The following GFPT1 variants were observed in gnomAD, a reference collection of about 807,000 sequenced individuals.
GFPT1 encodes glutamine--fructose-6-phosphate aminotransferase [isomerizing] 1.
Under a neutral mutation model 92.0 loss-of-function variants are expected in GFPT1, and 40 were observed. The observed-to-expected ratio is 0.43, with a 90% CI of 0.34 to 0.57. The LOEUF (loss-of-function observed/expected upper bound fraction) is 0.57, where lower values mean the gene tolerates loss of function less well. Ranked by LOEUF, GFPT1 falls within the 20% of genes least tolerant of loss-of-function variation. The pLI, the probability that GFPT1 is intolerant of heterozygous loss-of-function variation, is 0.02. For missense variants in GFPT1, 448 were observed against 869.1 expected (o/e 0.52, Z 6.09); for synonymous variants, 269 against 280.6 (o/e 0.96, Z 0.41).
intron 9 of GFPT1, among the ~76,000 whole-genome samples, chr2:69,350,569 A>G (rs889811005): frequency 4.6e-5 from 7 of 152,200 alleles, no homozygotes; most frequent in Non-Finnish European, 7.3e-5. Context: ...TTGTGTACCT[A>G]TAATTATAAC....
At chr2:69,368,738 GAA>G (rs70954342) in intron 3 of GFPT1, among the ~76,000 whole-genome samples, 1 of 129,568 alleles carries the variant, frequency 7.7e-6, no homozygotes, top group Non-Finnish European at 1.7e-5. Context: ...GGGAAGGGAA[GAA>G]AAAAAAAAAA....
chr2:69,377,933 T>C (rs774719320), intron 1 of GFPT1, among the ~76,000 whole-genome samples: 5 of 152,262 alleles, frequency 3.3e-5, no homozygotes, highest in Non-Finnish European at 7.3e-5. Flanking sequence ...CTCACAATGA[T>C]GCTTGTTAGA....
chr2:69,330,623 AAAT>A (rs748355956), intron 15 of GFPT1, among the ~76,000 whole-genome samples: 11 of 151,850 alleles, frequency 7.2e-5, no homozygotes, highest in African/African-American at 1.9e-4. Context: ...AAGTAAACAG[AAAT>A]AATATTTAAT....
chr2:69,355,745 T>C (rs1468832834), intron 7 of GFPT1, among the ~76,000 whole-genome samples: 4 of 152,178 alleles, frequency 2.6e-5, no homozygotes, highest in Admixed American at 2.6e-4. Flanking sequence ...ATATCTCTCT[T>C]ACCATAATAT....
Position 69,348,244 on chromosome 2 carries a change from A to G in GFPT1, c.936T>C (p.Ile312=). Residue 312 remains isoleucine (I), a synonymous_variant, in exon 11 of 20, where the codon ATT becomes ATC. Coordinates refer to ENST00000357308, the MANE Select transcript of GFPT1 (RefSeq NM_001244710.2). The part of the protein sequence containing the change: ...VVDGRLSIHR[I]KRTAGDHPGR... ...CGGGGTGATCTCCTGCAGTTCGTTTAATTCGATGGATAGAAAGACGTCCAT... is the reference window on the plus strand; with the variant it reads ...CGGGGTGATCTCCTGCAGTTCGTTTGATTCGATGGATAGAAAGACGTCCAT... The G allele has an allele frequency of 6.2e-7, 1 of 1,613,274 alleles. No individual in the cohort carries two copies. Among genetic ancestry groups the G allele is most frequent in the African/African-American group, 1.3e-5 (1 of 75,044 alleles).
In GFPT1 at chr2:69,354,248, G is replaced by T; in HGVS notation, c.739+11C>A. 6.4e-7 allele frequency: 1 copy of T among 1,563,622 alleles called. No homozygotes were observed. Among genetic ancestry groups the T allele is most frequent in the Non-Finnish European group, 8.7e-7 (1 of 1,152,590 alleles). On this transcript the variant is annotated intron_variant, in intron 9 of 19. Transcript: ENST00000357308. ...AAGATCCTCCCCATCCATGCAGAGT[G>T]CATTTCCCACCTCTTTCTCCCTGTG...
intron 2 of GFPT1, among the ~76,000 whole-genome samples, chr2:69,371,957 T>C (rs1277403566): frequency 1.3e-5 from 2 of 151,334 alleles, no homozygotes; most frequent in African/African-American, 4.8e-5. Context: ...ATCCCAGCAC[T>C]TTGGGAGGCC....
chr2:69,387,171 G>A lies in GFPT1; in HGVS notation c.-100C>T. On this transcript the variant is annotated 5_prime_UTR_variant, in exon 1 of 20. Coordinates refer to ENST00000357308, the MANE Select transcript of GFPT1 (RefSeq NM_001244710.2). ...GGGCAATCTGCGGGCTCGGGGGCCG[G>A]GGTGGCGCCGACACGACTCCCTCGG... The A allele has an allele frequency of 1.5e-6, 2 of 1,341,866 alleles. No homozygotes were observed. Among genetic ancestry groups the A allele is most frequent in the Non-Finnish European group, 1.0e-6 (1 of 1,004,484 alleles). 83.1% of individuals were successfully genotyped at this position (1,341,866 alleles called of 1,614,324 possible).
At chr2:69,343,871 C>T (rs1233406634) in intron 12 of GFPT1, among the ~76,000 whole-genome samples, 1 of 152,042 alleles carries the variant, frequency 6.6e-6, no homozygotes, top group Non-Finnish European at 1.5e-5. Flanking sequence ...GAAAACAAAA[C>T]CAAACAAAAT....
chr2:69,321,080 G>A lies in GFPT1; in HGVS notation c.*5109C>T, dbSNP rs1670393009. 1 of 152,230 alleles carries A rather than the reference G, an allele frequency of 6.6e-6. No individual in the cohort carries two copies. Among genetic ancestry groups the A allele is most frequent in the Non-Finnish European group, 1.5e-5 (1 of 68,042 alleles). 9.4% of individuals were successfully genotyped at this position (152,230 alleles called of 1,614,324 possible). A position where few individuals can be genotyped will look rare whatever the true frequency, so the allele number is the denominator to read the frequency against. ...AACTTTGCTCTATAATTAACAGAGA[G>A]CCAGATATTACAGAAACTTTAGATT... On this transcript the variant is annotated 3_prime_UTR_variant, in exon 20 of 20. Transcript: ENST00000357308.
At chr2:69,363,016 C>T (rs1040704350) in intron 4 of GFPT1, among the ~76,000 whole-genome samples, 50 of 151,932 alleles carry the variant, frequency 3.3e-4, no homozygotes, top group African/African-American at 1.1e-3. Flanking sequence ...GAGGCCGAGA[C>T]GGGAGGATCA....
chr2:69,378,243 T>TGATC (rs1671926934), intron 1 of GFPT1, among the ~76,000 whole-genome samples: 1 of 152,270 alleles, frequency 6.6e-6, no homozygotes, highest in African/African-American at 2.4e-5. Context: ...TGACCTCAGG[T>TGATC]GATCCACTCG....
intron 15 of GFPT1, among the ~76,000 whole-genome samples, chr2:69,337,192 G>A (rs962166827): frequency 1.3e-5 from 2 of 151,228 alleles, no homozygotes; most frequent in Non-Finnish European, 2.9e-5. Context: ...AGCCTCCCGG[G>A]TATGCTGGGA....
intron 1 of GFPT1, among the ~76,000 whole-genome samples, chr2:69,382,878 C>T (rs1361957214): frequency 6.6e-6 from 1 of 152,184 alleles, no homozygotes; most frequent in African/African-American, 2.4e-5. Context: ...ACTCATTCTA[C>T]TTGTGGTCTA....
chr2:69,376,947 C>G (rs1437864032), intron 1 of GFPT1, among the ~76,000 whole-genome samples: 1 of 151,980 alleles, frequency 6.6e-6, no homozygotes, highest in African/African-American at 2.4e-5. Context: ...GGGTGGCTCA[C>G]GCCTGTAATC....
Position 69,386,928 on chromosome 2 carries a change from C to T in GFPT1, c.7+137G>A, listed in dbSNP as rs889033142. The T allele has an allele frequency of 2.9e-5, 22 of 751,556 alleles. No homozygotes were observed. The African/African-American group carries it at 4.0e-4, about 14-fold the overall frequency. The allele number at this position is 751,556 out of a possible 1,614,324, so 46.6% of individuals were successfully genotyped here. A position where few individuals can be genotyped will look rare whatever the true frequency, so the allele number is the denominator to read the frequency against. ...CCGGCCCCCGCCCCCGCAGCCACCA[C>T]TGGGCGCCCCTTGCCCATCACCCAG... On this transcript the variant is annotated intron_variant, in intron 1 of 19. Transcript: ENST00000357308.
At chr2:69,354,759 G>GT (rs920275388) in intron 7 of GFPT1, among the ~76,000 whole-genome samples, 191 bp from the exon 8 acceptor site, 1 of 152,054 alleles carries the variant, frequency 6.6e-6, no homozygotes, top group African/African-American at 2.4e-5. Context: ...GCTCACACCC[G>GT]TAATCCCAGC....
intron 12 of GFPT1, 66 bp downstream of exon 12, chr2:69,345,838 A>G: frequency 1.1e-6 from 1 of 892,730 alleles, no homozygotes; most frequent in South Asian, 1.3e-5. Context: ...ATGAACTTTC[A>G]GGTTGTTAAT....
intron 12 of GFPT1, among the ~76,000 whole-genome samples, chr2:69,345,093 T>C (rs1307262677): frequency 1.3e-5 from 2 of 152,144 alleles, no homozygotes; most frequent in African/African-American, 4.8e-5. Flanking sequence ...ACCACCTCTG[T>C]CTACAGAGGC....
Sources: gnomAD v4.1 joint callset for allele counts (sites outside exome capture counted in the v4.1 genomes callset) on GRCh38, gnomAD v4.1.1 for gene constraint, MANE v1.5 for transcripts, NCBI Gene and HGNC (gene_info 2026-07-23, HGNC 2026-07-21) for gene names.